The following SYNDIG1 variants were observed in gnomAD, a reference collection of about 807,000 sequenced individuals.
SYNDIG1 encodes the protein synapse differentiation-inducing gene protein 1.
In SYNDIG1, 9 loss-of-function variants were observed where a neutral mutation model predicts 19.4. The ratio of observed to expected loss-of-function variants is 0.46; its 90% CI spans 0.28 to 0.81. The LOEUF (loss-of-function observed/expected upper bound fraction) is 0.81. SYNDIG1 is among the 30% of genes least tolerant of loss of function. The pLI is 0.12. For missense variants in SYNDIG1, 311 were observed against 343.3 expected (o/e 0.91, Z 0.74); for synonymous variants, 141 against 145.9 (o/e 0.97, Z 0.24).
chr20:24,636,367 A>T (rs964638331), intron 3 of SYNDIG1, among the ~76,000 whole-genome samples: 1 of 152,152 alleles, frequency 6.6e-6, no homozygotes, highest in Non-Finnish European at 1.5e-5. Flanking sequence ...AGAAAGAGAA[A>T]AGAGAACAGC....
intron 2 of SYNDIG1, among the ~76,000 whole-genome samples, chr20:24,577,154 C>A (rs181463474): frequency 1.6e-4 from 25 of 152,310 alleles, no homozygotes; most frequent in African/African-American, 6.0e-4. Flanking sequence ...ACTCTGGAAC[C>A]CCCAGATCTC....
intron 1 of SYNDIG1, among the ~76,000 whole-genome samples, chr20:24,494,451 G>A (rs1165404828): frequency 2.0e-5 from 3 of 152,184 alleles, no homozygotes; most frequent in Non-Finnish European, 2.9e-5. Context: ...AAGCTAGCAC[G>A]TTGGGTGGGC....
At position 24,515,870 on chromosome 20, in the gene SYNDIG1, C is replaced by T. The variant is rs200057687; in HGVS notation, c.-78-27150C>T. 7.7e-4 allele frequency among the ~76,000 whole-genome samples: 117 copies of T among 152,222 alleles called. 1 individual carries two copies. The South Asian group carries it at 0.017, about 22-fold the overall frequency. Reference sequence around the variant, plus strand: ...CTTCATATGGAACCAAAACAGAGCCCGCATTGCCAAGACAATCCTAAGCCA... The same window carrying T: ...CTTCATATGGAACCAAAACAGAGCCTGCATTGCCAAGACAATCCTAAGCCA... On this transcript the variant is annotated intron_variant, in intron 1 of 3. Transcript: ENST00000376862.
At chr20:24,640,472 A>AGG (rs2059363362) in intron 3 of SYNDIG1, among the ~76,000 whole-genome samples, 2 of 110,062 alleles carry the variant, frequency 1.8e-5, no homozygotes, top group African/African-American at 6.7e-5. Context: ...GAGGGAGGGA[A>AGG]AGAAGGAAGG....
chr20:24,657,290 G>A (rs1449676696), intron 3 of SYNDIG1, among the ~76,000 whole-genome samples: 2 of 152,204 alleles, frequency 1.3e-5, no homozygotes, highest in Admixed American at 6.5e-5. Flanking sequence ...GTATGTTTAC[G>A]ATGTTGTTAT....
At chr20:24,641,509 G>A (rs1462321219) in intron 3 of SYNDIG1, among the ~76,000 whole-genome samples, 3 of 152,146 alleles carry the variant, frequency 2.0e-5, no homozygotes, top group Admixed American at 2.0e-4. Flanking sequence ...GTAAAGTGTT[G>A]TCCGTATGGT....
At chr20:24,657,826 G>A (rs923737897) in intron 3 of SYNDIG1, among the ~76,000 whole-genome samples, 1 of 148,708 alleles carries the variant, frequency 6.7e-6, no homozygotes, top group Non-Finnish European at 1.5e-5. Flanking sequence ...GATAAATAAT[G>A]GAAATAACCT....
chr20:24,592,915 CCA>C (rs2058536123), intron 3 of SYNDIG1, among the ~76,000 whole-genome samples: 1 of 152,038 alleles, frequency 6.6e-6, no homozygotes, highest in African/African-American at 2.4e-5. Flanking sequence ...TGTATGGCCC[CCA>C]GTTTTTTAAT....
chr20:24,655,339 G>A (rs1263426694), intron 3 of SYNDIG1, among the ~76,000 whole-genome samples: 3 of 152,302 alleles, frequency 2.0e-5, no homozygotes, highest in South Asian at 2.1e-4. Flanking sequence ...CACAAAGTAC[G>A]TAGTCAAAAT....
intron 1 of SYNDIG1, among the ~76,000 whole-genome samples, chr20:24,487,525 G>A (rs546169147): frequency 6.6e-6 from 1 of 152,274 alleles, no homozygotes; most frequent in Admixed American, 6.5e-5. Flanking sequence ...AGGAATGTGA[G>A]GTAATGCCTG....
Position 24,660,743 on chromosome 20 carries a change from C to T in SYNDIG1, c.619-4603C>T, listed in dbSNP as rs573100348. On this transcript the variant is annotated intron_variant, in intron 3 of 3. Transcript: ENST00000376862. The stretch of plus-strand genomic sequence containing the variant: ...CCAGCTTCAGCCTGCTGGCACAGGC[C>T]CTGTGTGTCCATCCACTTGCCCCTC... 2.6e-5 allele frequency among the ~76,000 whole-genome samples: 4 copies of T among 152,364 alleles called. No homozygotes were observed. In the East Asian group the frequency reaches 7.7e-4, roughly 29 times the overall value.
intron 1 of SYNDIG1, among the ~76,000 whole-genome samples, chr20:24,529,304 G>A (rs1235497656): frequency 2.6e-5 from 4 of 152,182 alleles, no homozygotes; most frequent in African/African-American, 9.7e-5. Context: ...GTTATTGTTA[G>A]TAGTAGTAGT....
intron 1 of SYNDIG1, among the ~76,000 whole-genome samples, chr20:24,519,868 ACCG>A (rs1250744151): frequency 1.3e-4 from 20 of 151,520 alleles, no homozygotes; most frequent in African/African-American, 2.4e-4. Flanking sequence ...CCCCACCACC[ACCG>A]CCATCACGAA....
intron 3 of SYNDIG1, among the ~76,000 whole-genome samples, chr20:24,642,968 T>C (rs2083851097): frequency 6.6e-6 from 1 of 152,218 alleles, no homozygotes; most frequent in South Asian, 2.1e-4. Flanking sequence ...AGTTGCATTT[T>C]AATGGCAAAA....
intron 1 of SYNDIG1, among the ~76,000 whole-genome samples, chr20:24,513,443 G>A (rs2056793042): frequency 6.6e-6 from 1 of 152,176 alleles, no homozygotes; most frequent in Admixed American, 6.5e-5. Flanking sequence ...ACCTGATGGA[G>A]CTGAAAACCA....
At chr20:24,512,316 G>C (rs962353373) in intron 1 of SYNDIG1, among the ~76,000 whole-genome samples, 10 of 151,142 alleles carry the variant, frequency 6.6e-5, no homozygotes, top group African/African-American at 2.4e-4. Flanking sequence ...ACAGCCCACT[G>C]AGTGTGAGCC....
At chr20:24,507,647 A>T (rs550612640) in intron 1 of SYNDIG1, among the ~76,000 whole-genome samples, 6 of 152,256 alleles carry the variant, frequency 3.9e-5, no homozygotes, top group Admixed American at 1.3e-4. Context: ...TTGGCTGCTG[A>T]AGGTCTGTGG....
intron 2 of SYNDIG1, among the ~76,000 whole-genome samples, chr20:24,575,168 A>T (rs989629794): frequency 6.6e-6 from 1 of 152,200 alleles, no homozygotes; most frequent in Non-Finnish European, 1.5e-5. Flanking sequence ...TGCCTCAAAG[A>T]GCTGAACGTT....
At chr20:24,475,611 G>A (rs867045857) in intron 1 of SYNDIG1, among the ~76,000 whole-genome samples, 2 of 152,302 alleles carry the variant, frequency 1.3e-5, no homozygotes, top group African/African-American at 4.8e-5. Context: ...GACTGTCATG[G>A]ATTGACTGTA....
Sources: allele counts gnomAD v4.1 joint callset (sites outside exome capture counted in the v4.1 genomes callset), GRCh38; gene constraint gnomAD v4.1.1; transcripts MANE v1.5; gene names NCBI Gene and HGNC (gene_info 2026-07-23, HGNC 2026-07-21).